AKAP13: variants seen among roughly 807,000 people sequenced by gnomAD.
The protein encoded by AKAP13 is A-kinase anchoring protein 13, also known as A-kinase anchor protein 13.
A neutral mutation model predicts 264.5 loss-of-function variants in AKAP13; 80 were observed. That is an observed-to-expected ratio of 0.30 (90% CI 0.25 to 0.36). AKAP13 has a LOEUF of 0.36. Ranked by LOEUF, AKAP13 falls within the 10% of genes least tolerant of loss-of-function variation. AKAP13 has a pLI of 1.00. For missense variants in AKAP13, 3,712 were observed against 3,435.2 expected (o/e 1.08, Z -2.01); for synonymous variants, 1,380 against 1,250.2 (o/e 1.10, Z -2.19).
At chr15:85,430,041 T>C (rs1045392982) in intron 1 of AKAP13, among the ~76,000 whole-genome samples, 2 of 152,232 alleles carry the variant, frequency 1.3e-5, no homozygotes, top group Non-Finnish European at 2.9e-5. Context: ...CAGTCTGTCT[T>C]GGAATTAATT....
intron 1 of AKAP13, among the ~76,000 whole-genome samples, chr15:85,428,430 C>T (rs574681029): frequency 2.0e-5 from 3 of 152,256 alleles, no homozygotes; most frequent in African/African-American, 7.2e-5. Context: ...AACCCTCCAC[C>T]TTAGGTGATC....
chr15:85,601,147 T>C (rs1329596815), intron 8 of AKAP13, among the ~76,000 whole-genome samples: 2 of 152,206 alleles, frequency 1.3e-5, no homozygotes, highest in Non-Finnish European at 2.9e-5. Context: ...TGGGCACTAA[T>C]CCGAGTAATA....
chr15:85,441,047 T>G (rs936238928), intron 1 of AKAP13, among the ~76,000 whole-genome samples: 3 of 152,160 alleles, frequency 2.0e-5, no homozygotes, highest in Non-Finnish European at 2.9e-5. Flanking sequence ...TCACTTGAGG[T>G]CTTTTTTGTA....
At chr15:85,430,262 T>C (rs996182820) in intron 1 of AKAP13, among the ~76,000 whole-genome samples, 13 of 152,362 alleles carry the variant, frequency 8.5e-5, no homozygotes, top group Admixed American at 8.5e-4. Flanking sequence ...TCTTAATCAT[T>C]GTAGCAGGTT....
At chr15:85,506,062 G>A (rs533150445) in intron 2 of AKAP13, among the ~76,000 whole-genome samples, 9 of 152,290 alleles carry the variant, frequency 5.9e-5, no homozygotes, top group African/African-American at 1.9e-4. Context: ...GGGAGACCGA[G>A]GAGGTGGGCG....
In AKAP13 at chr15:85,579,111, C is replaced by G. The variant is rs574198482; in HGVS notation, c.1043C>G (p.Ala348Gly). The G allele has an allele frequency of 6.2e-7, 1 of 1,614,114 alleles. No homozygotes were observed. Among genetic ancestry groups the G allele is most frequent in the Non-Finnish European group, 8.5e-7 (1 of 1,180,022 alleles). The change falls in exon 7 of 37, where the codon GCA becomes GGA. Residue 348 changes from alanine to glycine, a missense_variant. By Grantham distance (60) the Ala-to-Gly change is moderately conservative (BLOSUM62 0). Coordinates refer to ENST00000394518, the MANE Select transcript of AKAP13 (RefSeq NM_007200.5). ...CAGTGCTGCCCAGGGAGCCCTGTTG[C>G]ACAGACTGAAAGTCCCTGTGATTTG... ...STQCCPGSPV[A>G]QTESPCDLSS...
intron 7 of AKAP13, among the ~76,000 whole-genome samples, chr15:85,585,286 T>A (rs1418471088): frequency 1.3e-5 from 2 of 152,250 alleles, no homozygotes; most frequent in African/African-American, 4.8e-5. Flanking sequence ...GGCTTTTTCC[T>A]TTTTGTTTTG....
intron 8 of AKAP13, among the ~76,000 whole-genome samples, chr15:85,629,295 G>A (rs564883855): frequency 8.5e-5 from 13 of 152,276 alleles, no homozygotes; most frequent in African/African-American, 3.1e-4. Flanking sequence ...TGGTGGACTG[G>A]AAGTGAGGAA....
At chr15:85,646,049 G>T in intron 10 of AKAP13, 95 bp downstream of exon 10, 1 of 1,484,316 alleles carries the variant, frequency 6.7e-7, no homozygotes, top group Non-Finnish European at 9.0e-7. Flanking sequence ...CCCCTCTTGT[G>T]CTCTCCTGTT....
intron 5 of AKAP13, among the ~76,000 whole-genome samples, chr15:85,559,321 T>G (rs1393022254): frequency 6.6e-6 from 1 of 152,160 alleles, no homozygotes; most frequent in Non-Finnish European, 1.5e-5. Flanking sequence ...TTAAATAATA[T>G]TTAAATAGAA....
In AKAP13 at chr15:85,645,809, C is replaced by G; in HGVS notation, c.4238-9C>G. On this transcript the variant is annotated splice_polypyrimidine_tract_variant and intron_variant, in intron 9 of 36. Transcript: ENST00000394518. ...TTTTCAATATTGGTGAATAAATTCT[C>G]TTTTTCAGAATGTGAGAACTTCCTG... 1 of 1,426,270 alleles carries G rather than the reference C, an allele frequency of 7.0e-7. No individual in the cohort carries two copies. The highest frequency in any genetic ancestry group is 2.2e-5 in the Admixed American group (1 of 46,164). 88.4% of individuals were successfully genotyped at this position (1,426,270 alleles called of 1,614,324 possible). A position where few individuals can be genotyped will look rare whatever the true frequency, so the allele number is the denominator to read the frequency against.
At chr15:85,573,172 A>G (rs1293990220) in intron 5 of AKAP13, among the ~76,000 whole-genome samples, 2 of 152,260 alleles carry the variant, frequency 1.3e-5, no homozygotes, top group East Asian at 3.9e-4. Context: ...GTAATTTCTT[A>G]ACTCTTTAGT....
At chr15:85,582,900 A>G (rs533519084) in intron 7 of AKAP13, 30 of 985,448 alleles carry the variant, frequency 3.0e-5, no homozygotes, top group African/African-American at 1.9e-4. Flanking sequence ...AGCTGCACTG[A>G]GCAGATTGCT....
intron 9 of AKAP13, among the ~76,000 whole-genome samples, chr15:85,641,738 A>G (rs2082320338): frequency 6.6e-6 from 1 of 151,736 alleles, no homozygotes; most frequent in South Asian, 2.1e-4. Context: ...CATCCCCCTC[A>G]TCCTTCCAAA....
chr15:85,607,310 A>G (rs916751610), intron 8 of AKAP13, among the ~76,000 whole-genome samples: 2 of 152,094 alleles, frequency 1.3e-5, no homozygotes, highest in African/African-American at 2.4e-5. Flanking sequence ...TTGAAAGGAA[A>G]AGTGTTTTGT....
At chr15:85,510,119 G>T (rs1324620097) in intron 2 of AKAP13, among the ~76,000 whole-genome samples, 5 of 152,190 alleles carry the variant, frequency 3.3e-5, no homozygotes. Flanking sequence ...TGATACAGCT[G>T]CAATTGTTAC....
chr15:85,608,393 T>C (rs1334361519), intron 8 of AKAP13, among the ~76,000 whole-genome samples: 2 of 152,244 alleles, frequency 1.3e-5, no homozygotes, highest in African/African-American at 4.8e-5. Flanking sequence ...TTATTAGTTA[T>C]TCATCTCACC....
intron 8 of AKAP13, among the ~76,000 whole-genome samples, chr15:85,636,688 C>T (rs918893036): frequency 2.6e-5 from 4 of 151,640 alleles, no homozygotes; most frequent in Non-Finnish European, 5.9e-5. Flanking sequence ...AATCACGGCT[C>T]GCTGCAACCT....
At position 85,543,938 on chromosome 15, in the gene AKAP13, G is replaced by A. The variant is rs758442466; in HGVS notation, c.645G>A (p.Leu215=). 1.1e-5 allele frequency: 17 copies of A among 1,612,870 alleles called. No homozygotes were observed. The Middle Eastern group carries it at 1.3e-3, about 125-fold the overall frequency. Residue 215 remains leucine (L), a synonymous_variant, in exon 5 of 37, where the codon CTG becomes CTA. Coordinates refer to ENST00000394518, the MANE Select transcript of AKAP13 (RefSeq NM_007200.5). ...SLALERGYHK[L]HQLLTEENAG... is the part of the protein sequence containing the mutation. Reference sequence around the variant, plus strand: ...CCTTGGAGCGAGGCTATCACAAGCTGCACCAGCTTCTAACCGAGTAAGTGC... The same window carrying A: ...CCTTGGAGCGAGGCTATCACAAGCTACACCAGCTTCTAACCGAGTAAGTGC...
Sources: allele counts gnomAD v4.1 joint callset (sites outside exome capture counted in the v4.1 genomes callset), GRCh38; gene constraint gnomAD v4.1.1; transcripts MANE v1.5; gene names NCBI Gene and HGNC (gene_info 2026-07-23, HGNC 2026-07-21).